Variants in BMP8A observed in about 807,000 individuals in gnomAD.
The protein encoded by BMP8A is bone morphogenetic protein 8a.
In BMP8A, 14 loss-of-function variants were observed where a neutral mutation model predicts 36.8. The observed-to-expected ratio is 0.38, with a 90% confidence interval of 0.25 to 0.60. The LOEUF is 0.60. Among genes scored for constraint, BMP8A ranks in the 20% least tolerant of loss-of-function variants. BMP8A has a pLI of 0.63. For missense variants in BMP8A, 267 were observed against 551.1 expected (o/e 0.48, Z 5.16); for synonymous variants, 120 against 237.7 (o/e 0.50, Z 4.55).
intron 3 of BMP8A, among the ~76,000 whole-genome samples, chr1:39,520,178 G>A (rs545650744): frequency 1.2e-5 from 1 of 81,352 alleles, no homozygotes; most frequent in African/African-American, 4.4e-5. Flanking sequence ...CTCTCATTCT[G>A]TCGCCCAGCT....
At chr1:39,501,411 A>G (rs1424317080) in intron 1 of BMP8A, among the ~76,000 whole-genome samples, 2 of 152,044 alleles carry the variant, frequency 1.3e-5, no homozygotes, top group African/African-American at 4.8e-5. Flanking sequence ...CTGGAGTGCC[A>G]TGGCACAGTG....
intron 1 of BMP8A, among the ~76,000 whole-genome samples, chr1:39,500,089 A>G (rs698141): frequency 0.94 from 143,126 of 152,226 alleles, 67,334 homozygotes; most frequent in East Asian, 1. Flanking sequence ...CATACACCTC[A>G]GCCCCCTGAC....
At position 39,491,820 on chromosome 1, in the gene BMP8A, G is replaced by A; in HGVS notation, c.-172G>A. On this transcript the variant is annotated 5_prime_UTR_variant, in exon 1 of 7. Transcript: ENST00000331593. ...TCAGCGTCCGCTTGTCCCGGAGCCG[G>A]GGCAGGTGCGCGCGGGGGGCGCTCC... 1 of 420,460 alleles carries A rather than the reference G, an allele frequency of 2.4e-6. No individual in the cohort carries two copies. 26.0% of individuals were successfully genotyped at this position (420,460 alleles called of 1,614,324 possible).
chr1:39,527,567 G>A lies in BMP8A; in HGVS notation c.*1769G>A, dbSNP rs978139775. Among the ~76,000 whole-genome samples the A allele has an allele frequency of 6.6e-6, 1 of 152,184 alleles. No individual in the cohort carries two copies. The highest frequency in any genetic ancestry group is 1.5e-5 in the Non-Finnish European group (1 of 68,018). ...GGGGTGGAGGCTGGGGCCACACTGC[G>A]GGACAGCAGCCCCTCCACCTGGACC... On this transcript the variant is annotated 3_prime_UTR_variant, in exon 7 of 7. Transcript: ENST00000331593.
chr1:39,498,258 G>T (rs189267803), intron 1 of BMP8A, among the ~76,000 whole-genome samples: 31 of 152,316 alleles, frequency 2.0e-4, no homozygotes, highest in African/African-American at 7.5e-4. Flanking sequence ...AGGGTGGGGA[G>T]GTGCACCCAG....
At chr1:39,505,088 G>T (rs888540068) in intron 1 of BMP8A, among the ~76,000 whole-genome samples, 6 of 152,182 alleles carry the variant, frequency 3.9e-5, no homozygotes, top group Non-Finnish European at 8.8e-5. Context: ...GGATGAGCAG[G>T]AGACAGATGC....
In BMP8A at chr1:39,492,135, C is replaced by A. The variant is rs1645164405; in HGVS notation, c.144C>A (p.Ile48=). 4.0e-6 allele frequency: 5 copies of A among 1,251,054 alleles called. No homozygotes were observed. The East Asian group carries it at 1.8e-4, about 44-fold the overall frequency. 77.5% of individuals were successfully genotyped at this position (1,251,054 alleles called of 1,614,324 possible). ...AGCGCCGGGACGTGCAGCGCGAGAT[C>A]CTGGCGGTGCTCGGGCTACCCGGGC... ...ARERRDVQRE[I]LAVLGLPGRP... The change falls in exon 1 of 7, where the codon ATC becomes ATA. Residue 48 remains isoleucine (I), a synonymous_variant. Transcript: ENST00000331593.
rs1645159101 is a variant in BMP8A at position 39,491,751 on chromosome 1, C to A, written c.-241C>A. On this transcript the variant is annotated 5_prime_UTR_variant, in exon 1 of 7. Transcript: ENST00000331593. ...GACGGATTGGCTGACAGTCCCAGCC[C>A]TCAGAACAGCCCCGGCCTCGAAGCG... 1 of 188,604 alleles carries A rather than the reference C, an allele frequency of 5.3e-6. No individual in the cohort carries two copies. Among genetic ancestry groups the A allele is most frequent in the East Asian group, 1.7e-4 (1 of 5,938 alleles). 11.7% of individuals were successfully genotyped at this position (188,604 alleles called of 1,614,324 possible).
Position 39,527,740 on chromosome 1 carries a change from G to A in BMP8A, c.*1942G>A, listed in dbSNP as rs1055742651. 1.3e-5 allele frequency among the ~76,000 whole-genome samples: 2 copies of A among 152,256 alleles called. No homozygotes were observed. Among genetic ancestry groups the A allele is most frequent in the African/African-American group, 4.8e-5 (2 of 41,458 alleles). Reference sequence around the variant, plus strand: ...GAGATTGGAAGAGGCAATGGCCTGAGTGTTAGGAGACAGGTATTCTGGTTC... The same window carrying A: ...GAGATTGGAAGAGGCAATGGCCTGAATGTTAGGAGACAGGTATTCTGGTTC... On this transcript the variant is annotated 3_prime_UTR_variant, in exon 7 of 7. Coordinates refer to ENST00000331593, the MANE Select transcript of BMP8A (RefSeq NM_181809.4).
intron 3 of BMP8A, chr1:39,514,858 T>C: frequency 3.4e-6 from 4 of 1,171,762 alleles, no homozygotes; most frequent in East Asian, 6.2e-5. Context: ...TGGGAGGGAG[T>C]GCGTCAGGGC....
rs762315770 is a variant in BMP8A at position 39,525,806 on chromosome 1, C to T, written c.*8C>T. The T allele has an allele frequency of 1.5e-5, 24 of 1,613,726 alleles. No homozygotes were observed. The highest frequency in any genetic ancestry group is 1.8e-5 in the Non-Finnish European group (21 of 1,180,014). ...GCCTGCGGCTGCCACTGAGTCAGCC[C>T]GCCCAGCCCTACTGCAGCCACCCTT... On this transcript the variant is annotated 3_prime_UTR_variant, in exon 7 of 7. Coordinates refer to ENST00000331593, the MANE Select transcript of BMP8A (RefSeq NM_181809.4).
intron 1 of BMP8A, among the ~76,000 whole-genome samples, chr1:39,498,000 C>T (rs145737289): frequency 0.034 from 5,129 of 152,318 alleles, 290 homozygotes; most frequent in African/African-American, 0.12. Context: ...GCCTTGTTGA[C>T]GGGTGACCCC....
At chr1:39,523,695 A>G (rs1443199779) in intron 6 of BMP8A, 3 of 1,406,438 alleles carry the variant, frequency 2.1e-6, no homozygotes, top group Non-Finnish European at 2.8e-6. Flanking sequence ...TGTCTGGGGC[A>G]ACCTTAAAGG....
Position 39,527,752 on chromosome 1 carries a change from A to G in BMP8A, c.*1954A>G, listed in dbSNP as rs974607692. 3.9e-5 allele frequency among the ~76,000 whole-genome samples: 6 copies of G among 152,206 alleles called. No homozygotes were observed. Among genetic ancestry groups the G allele is most frequent in the Non-Finnish European group, 8.8e-5 (6 of 68,030 alleles). Reference sequence around the variant, plus strand: ...GGCAATGGCCTGAGTGTTAGGAGACAGGTATTCTGGTTCCAACTCAGCCAC... The same window carrying G: ...GGCAATGGCCTGAGTGTTAGGAGACGGGTATTCTGGTTCCAACTCAGCCAC... On this transcript the variant is annotated 3_prime_UTR_variant, in exon 7 of 7. Coordinates refer to ENST00000331593, the MANE Select transcript of BMP8A (RefSeq NM_181809.4).
intron 3 of BMP8A, among the ~76,000 whole-genome samples, chr1:39,518,164 A>G (rs1419428510): frequency 2.0e-5 from 3 of 152,134 alleles, no homozygotes; most frequent in Admixed American, 1.3e-4. Flanking sequence ...GGCCTGGTGC[A>G]TGCACTGCAT....
chr1:39,495,105 T>C (rs915519644), intron 1 of BMP8A, among the ~76,000 whole-genome samples: 8 of 152,162 alleles, frequency 5.3e-5, no homozygotes, highest in Non-Finnish European at 1.0e-4. Context: ...AGAGCCACCA[T>C]GGGATCTAAT....
At chr1:39,510,424 C>G (rs12726646) in intron 1 of BMP8A, among the ~76,000 whole-genome samples, 9,718 of 136,888 alleles carry the variant, frequency 0.071, 502 homozygotes, top group Middle Eastern at 0.11. Flanking sequence ...CACTCCTGCC[C>G]TGGTTTTTCT....
Position 39,527,854 on chromosome 1 carries a change from T to G in BMP8A, c.*2056T>G, listed in dbSNP as rs1486865792. Among the ~76,000 whole-genome samples the G allele has an allele frequency of 2.0e-5, 3 of 152,230 alleles. No homozygotes were observed. Among genetic ancestry groups the G allele is most frequent in the Non-Finnish European group, 4.4e-5 (3 of 68,044 alleles). ...TCTGCAACATGAGGACATAGGACTCTTTAATTCCAAAGGCTCTTCCAACCC... is the reference window on the plus strand; with the variant it reads ...TCTGCAACATGAGGACATAGGACTCGTTAATTCCAAAGGCTCTTCCAACCC... On this transcript the variant is annotated 3_prime_UTR_variant, in exon 7 of 7. Coordinates refer to ENST00000331593, the MANE Select transcript of BMP8A (RefSeq NM_181809.4).
chr1:39,512,768 GGCCCC>G, intron 3 of BMP8A, among the ~76,000 whole-genome samples: 1 of 152,364 alleles, frequency 6.6e-6, no homozygotes, highest in Admixed American at 6.5e-5. Flanking sequence ...AGCCTCAGAG[GGCCCC>G]CTCCGTGAAC....
Sources: allele counts gnomAD v4.1 joint callset (sites outside exome capture counted in the v4.1 genomes callset), GRCh38; gene constraint gnomAD v4.1.1; transcripts MANE v1.5; gene names NCBI Gene and HGNC (gene_info 2026-07-23, HGNC 2026-07-21).